The following FBLN2 variants were observed in gnomAD, a reference collection of about 807,000 sequenced individuals.
FBLN2 encodes fibulin-2.
A neutral mutation model predicts 123.7 loss-of-function variants in FBLN2; 81 were observed. That is an observed-to-expected ratio of 0.65 (90% CI 0.55 to 0.79). The LOEUF (loss-of-function observed/expected upper bound fraction) is 0.79, where lower values mean the gene tolerates loss of function less well. Among genes scored for constraint, FBLN2 ranks in the 30% least tolerant of loss-of-function variants. The pLI is 0.00. For synonymous variants in FBLN2, 699 were observed against 701.4 expected (o/e 1.00, Z 0.05); for missense variants, 1,603 against 1,681.3 (o/e 0.95, Z 0.81).
At chr3:13,628,003 C>A in intron 11 of FBLN2, 34 bp downstream of exon 11, 2 of 1,601,392 alleles carry the variant, frequency 1.2e-6, no homozygotes, top group Non-Finnish European at 8.5e-7. Flanking sequence ...GGATCATCAG[C>A]CTAGGGCTCT....
chr3:13,574,016 C>T (rs1704052138), intron 2 of FBLN2, among the ~76,000 whole-genome samples: 1 of 152,184 alleles, frequency 6.6e-6, no homozygotes, highest in African/African-American at 2.4e-5. Context: ...CCTGAGCTCC[C>T]TGTAGCCCAC....
At chr3:13,553,949 T>G (rs1703396872) in intron 1 of FBLN2, among the ~76,000 whole-genome samples, 1 of 152,224 alleles carries the variant, frequency 6.6e-6, no homozygotes, top group South Asian at 2.1e-4. Context: ...AGGAAGAGCC[T>G]TGAAACAGGA....
chr3:13,617,853 C>A (rs1705688464), intron 5 of FBLN2, among the ~76,000 whole-genome samples: 1 of 148,274 alleles, frequency 6.7e-6, no homozygotes, highest in Non-Finnish European at 1.5e-5. Flanking sequence ...TCCATCTATA[C>A]CCATCCGTCT....
chr3:13,585,659 C>T (rs1704473433), intron 2 of FBLN2, among the ~76,000 whole-genome samples: 1 of 152,174 alleles, frequency 6.6e-6, no homozygotes, highest in Non-Finnish European at 1.5e-5. Flanking sequence ...GGCGTGGTGG[C>T]TTATGCCTGT....
intron 2 of FBLN2, among the ~76,000 whole-genome samples, chr3:13,581,165 C>T (rs924367652): frequency 8.7e-6 from 1 of 114,606 alleles, no homozygotes; most frequent in Non-Finnish European, 1.7e-5. Flanking sequence ...CTGGGGGATA[C>T]GTGGTGCACC....
chr3:13,617,076 G>C (rs919947381), intron 5 of FBLN2, among the ~76,000 whole-genome samples: 1 of 152,148 alleles, frequency 6.6e-6, no homozygotes, highest in African/African-American at 2.4e-5. Flanking sequence ...TGAAGACTTG[G>C]ACCTGGCTCT....
chr3:13,629,859 A>C lies in FBLN2; in HGVS notation c.2882A>C (p.Gln961Pro). Residue 961 changes from glutamine (Q) to proline (P), a missense_variant, in exon 14 of 18, where the codon CAG (glutamine) becomes CCG (proline). Physicochemically the swap from Gln to Pro is moderately conservative, Grantham distance 76. Coordinates refer to ENST00000404922, the MANE Select transcript of FBLN2 (RefSeq NM_001004019.2). ...ECWASPGRLC[Q>P]HTCENTLGSY... ...TGGGCCTCGCCAGGCCGCCTGTGCC[A>C]GCACACGTGTGAGAACACACTCGGC... The C allele has an allele frequency of 6.3e-7, 1 of 1,592,868 alleles. No homozygotes were observed. Among genetic ancestry groups the C allele is most frequent in the East Asian group, 2.3e-5 (1 of 43,634 alleles).
At chr3:13,616,105 C>G (rs1261929829) in intron 5 of FBLN2, among the ~76,000 whole-genome samples, 2 of 152,130 alleles carry the variant, frequency 1.3e-5, no homozygotes, top group African/African-American at 4.8e-5. Flanking sequence ...CTGGGCAGAT[C>G]AACCAGAACA....
intron 2 of FBLN2, among the ~76,000 whole-genome samples, chr3:13,572,032 G>A (rs768011207): frequency 6.6e-6 from 1 of 152,190 alleles, no homozygotes; most frequent in African/African-American, 2.4e-5. Context: ...TGCGAAGGGC[G>A]GTCTCTTCTC....
At chr3:13,577,288 C>T (rs539835305) in intron 2 of FBLN2, among the ~76,000 whole-genome samples, 5 of 149,972 alleles carry the variant, frequency 3.3e-5, no homozygotes, top group Non-Finnish European at 7.4e-5. Context: ...CTCCCTGGGG[C>T]GGTGACCCGA....
At chr3:13,599,776 G>A (rs1393829541) in intron 2 of FBLN2, among the ~76,000 whole-genome samples, 8 of 151,828 alleles carry the variant, frequency 5.3e-5, no homozygotes, top group Non-Finnish European at 7.4e-5. Flanking sequence ...CCCAGGGAGG[G>A]GGTGGCTTGG....
chr3:13,604,610 C>T (rs1164099512), intron 2 of FBLN2, among the ~76,000 whole-genome samples: 1 of 152,170 alleles, frequency 6.6e-6, no homozygotes, highest in Non-Finnish European at 1.5e-5. Context: ...CTAGTATCTC[C>T]AGGACAATGC....
intron 1 of FBLN2, among the ~76,000 whole-genome samples, chr3:13,561,679 G>A (rs1559398501): frequency 1.3e-5 from 2 of 152,210 alleles, no homozygotes; most frequent in South Asian, 2.1e-4. Context: ...CATGCGGTCT[G>A]TCTCTGTCAC....
Position 13,619,452 on chromosome 3 carries a change from A to G in FBLN2, c.2054-278A>G, listed in dbSNP as rs184976804. On this transcript the variant is annotated intron_variant, in intron 7 of 17. Coordinates refer to ENST00000404922, the MANE Select transcript of FBLN2 (RefSeq NM_001004019.2). ...CTTCTCTCTTCTCCTCCATCTCCCC[A>G]TTGTTCTTGCTGTCACGCAAGGCAT... 5.3e-5 allele frequency among the ~76,000 whole-genome samples: 8 copies of G among 151,162 alleles called. No individual in the cohort carries two copies. In the East Asian group the frequency reaches 1.2e-3, roughly 22 times the overall value.
chr3:13,586,939 G>A (rs1704526096), intron 2 of FBLN2, among the ~76,000 whole-genome samples: 1 of 151,576 alleles, frequency 6.6e-6, no homozygotes, highest in Non-Finnish European at 1.5e-5. Context: ...GAGGTCAGGA[G>A]TTTGAGACCA....
intron 1 of FBLN2, among the ~76,000 whole-genome samples, chr3:13,552,587 C>T (rs1282169873): frequency 6.6e-6 from 1 of 152,144 alleles, no homozygotes; most frequent in Non-Finnish European, 1.5e-5. Context: ...ATAGACCAGA[C>T]AGAGGCGCTG....
rs1553615349 is a variant in FBLN2, at chr3:13,549,167, C to CCGGGCGGA, written c.-79_-72dup. On this transcript the variant is annotated 5_prime_UTR_variant, in exon 1 of 18. Transcript: ENST00000404922. ...GCCCGGGCTCTCGACGCGCCGACGG[C>CCGGGCGGA]CGGGCGGACGGACGGACGGACGCCG... The CCGGGCGGA allele has an allele frequency of 1.3e-5, 13 of 982,972 alleles. No individual in the cohort carries two copies. Among genetic ancestry groups the CCGGGCGGA allele is most frequent in the Non-Finnish European group, 1.4e-5 (12 of 829,044 alleles). 60.9% of individuals were successfully genotyped at this position (982,972 alleles called of 1,614,324 possible). A position where few individuals can be genotyped will look rare whatever the true frequency, so the allele number is the denominator to read the frequency against.
chr3:13,565,476 A>G (rs1559399643), intron 1 of FBLN2, among the ~76,000 whole-genome samples: 1 of 152,150 alleles, frequency 6.6e-6, no homozygotes, highest in Non-Finnish European at 1.5e-5. Context: ...AATACAGAGG[A>G]ATGGCTAGGC....
At chr3:13,628,085 C>T in intron 11 of FBLN2, 116 bp downstream of exon 11, 2 of 1,335,500 alleles carry the variant, frequency 1.5e-6, no homozygotes, top group Non-Finnish European at 1.0e-6. Flanking sequence ...CATTCCTCTC[C>T]CAGCCCCCTT....
Sources: allele counts gnomAD v4.1 joint callset (sites outside exome capture counted in the v4.1 genomes callset), GRCh38; gene constraint gnomAD v4.1.1; transcripts MANE v1.5; gene names NCBI Gene and HGNC (gene_info 2026-07-23, HGNC 2026-07-21).